FTO: variants seen among roughly 807,000 people sequenced by gnomAD.
The protein encoded by FTO is FTO alpha-ketoglutarate dependent dioxygenase.
A neutral mutation model predicts 63.9 loss-of-function variants in FTO; 47 were observed. That is an observed-to-expected ratio of 0.74 (90% confidence interval 0.58 to 0.94). The LOEUF (loss-of-function observed/expected upper bound fraction) is 0.94, where lower values mean the gene tolerates loss of function less well. Ranked by LOEUF, FTO falls within the 40% of genes least tolerant of loss-of-function variation. The pLI is 0.00. For synonymous variants in FTO, 207 were observed against 224.4 expected, an observed-to-expected ratio of 0.92 and a Z score of 0.69; for missense variants, 562 against 618.1, an observed-to-expected ratio of 0.91 and a Z score of 0.96.
At chr16:53,707,652 A>G (rs1459594118) in intron 1 of FTO, among the ~76,000 whole-genome samples, 1 of 152,138 alleles carries the variant, frequency 6.6e-6, no homozygotes, top group Non-Finnish European at 1.5e-5. Flanking sequence ...GTGCAGTGAT[A>G]TTTGATTTTA....
At position 54,116,677 on chromosome 16, in the gene FTO, T is replaced by G. The variant is rs2086977019; in HGVS notation, c.*4762T>G. 6.6e-6 allele frequency: 1 copy of G among 152,000 alleles called. No homozygotes were observed. Among genetic ancestry groups the G allele is most frequent in the Admixed American group, 6.6e-5 (1 of 15,252 alleles). The allele number at this position is 152,000 out of a possible 1,614,324, so 9.4% of individuals were successfully genotyped here. ...TCCTGCAAGACAGCAAGGGCACCCC[T>G]GGGCCACTGCTGTGTTTGGGAGGCA... On this transcript the variant is annotated 3_prime_UTR_variant, in exon 9 of 9. Transcript: ENST00000471389.
intron 8 of FTO, among the ~76,000 whole-genome samples, chr16:54,030,429 C>G (rs1391613944): frequency 1.3e-5 from 2 of 152,168 alleles, no homozygotes; most frequent in African/African-American, 4.8e-5. Context: ...TATCTGGCAG[C>G]CCTTATAGCT....
At chr16:53,969,250 G>T (rs2083264793) in intron 8 of FTO, among the ~76,000 whole-genome samples, 1 of 150,204 alleles carries the variant, frequency 6.7e-6, no homozygotes, top group African/African-American at 2.5e-5. Flanking sequence ...TTGTCCCAGA[G>T]ATAGATATTG....
chr16:53,778,042 A>C (rs1308112755), intron 1 of FTO, among the ~76,000 whole-genome samples: 1 of 152,196 alleles, frequency 6.6e-6, no homozygotes, highest in Non-Finnish European at 1.5e-5. Flanking sequence ...TATAGTAAAA[A>C]GATAGCTACT....
At chr16:53,742,842 C>T (rs1455035948) in intron 1 of FTO, among the ~76,000 whole-genome samples, 1 of 152,122 alleles carries the variant, frequency 6.6e-6, no homozygotes, top group African/African-American at 2.4e-5. Flanking sequence ...ACTAGTGTGC[C>T]TTGAGTGGGT....
intron 8 of FTO, among the ~76,000 whole-genome samples, chr16:54,018,438 A>G (rs2084511779): frequency 6.6e-6 from 1 of 152,148 alleles, no homozygotes; most frequent in East Asian, 1.9e-4. Context: ...ACATACATAC[A>G]TACATACATA....
intron 1 of FTO, among the ~76,000 whole-genome samples, chr16:53,786,322 G>T (rs1032443758): frequency 6.6e-6 from 1 of 152,204 alleles, no homozygotes; most frequent in African/African-American, 2.4e-5. Flanking sequence ...AGTGAGCTGT[G>T]TGTGCTGCCC....
intron 7 of FTO, among the ~76,000 whole-genome samples, chr16:53,910,126 A>G (rs543926902): frequency 2.5e-4 from 38 of 152,286 alleles, no homozygotes; most frequent in African/African-American, 9.1e-4. Flanking sequence ...TTTAGACAGT[A>G]CAAACAATAG....
chr16:53,868,355 A>T (rs2080392452), intron 4 of FTO, among the ~76,000 whole-genome samples: 1 of 151,836 alleles, frequency 6.6e-6, no homozygotes, highest in African/African-American at 2.4e-5. Flanking sequence ...TTACATATGT[A>T]TTTTTTTACT....
chr16:53,773,035 A>G (rs1313005085), intron 1 of FTO, among the ~76,000 whole-genome samples: 1 of 151,978 alleles, frequency 6.6e-6, no homozygotes, highest in East Asian at 1.9e-4. Context: ...GATTATTGGT[A>G]AAGTAAAATG....
At chr16:53,773,221 G>C (rs145276473) in intron 1 of FTO, among the ~76,000 whole-genome samples, 3 of 152,074 alleles carry the variant, frequency 2.0e-5, no homozygotes, top group Admixed American at 1.3e-4. Context: ...ATTTAGTTTG[G>C]GGAGCCCTCC....
chr16:53,918,809 A>G (rs2081943156), intron 7 of FTO, among the ~76,000 whole-genome samples: 1 of 152,198 alleles, frequency 6.6e-6, no homozygotes, highest in Non-Finnish European at 1.5e-5. Flanking sequence ...TACCTTCAGT[A>G]TGTTCCATTC....
intron 8 of FTO, among the ~76,000 whole-genome samples, chr16:54,023,693 G>A (rs895534227): frequency 6.6e-6 from 1 of 152,202 alleles, no homozygotes; most frequent in Non-Finnish European, 1.5e-5. Flanking sequence ...GGGGCACTGG[G>A]AACTTCGTGC....
chr16:53,721,622 T>A lies in FTO; in HGVS notation c.45+17393T>A, dbSNP rs548681966. Among the ~76,000 whole-genome samples the A allele has an allele frequency of 3.9e-4, 60 of 152,320 alleles. No homozygotes were observed. In the Middle Eastern group the frequency reaches 0.014, roughly 35 times the overall value. Reference sequence around the variant, plus strand: ...TCTTTTACTTACCTGAGAGTTCCCATGTTCTTTGGGGAAATAAATGTCATC... The same window carrying A: ...TCTTTTACTTACCTGAGAGTTCCCAAGTTCTTTGGGGAAATAAATGTCATC... On this transcript the variant is annotated intron_variant, in intron 1 of 8. Transcript: ENST00000471389.
At chr16:53,835,275 G>A (rs763374317) in intron 3 of FTO, among the ~76,000 whole-genome samples, 4 of 152,068 alleles carry the variant, frequency 2.6e-5, no homozygotes, top group Non-Finnish European at 5.9e-5. Context: ...GTAATCCAGC[G>A]GATTCCTTTA....
chr16:53,810,001 T>C (rs1933565320), intron 1 of FTO, 139 bp from the exon 2 acceptor site: 1 of 598,310 alleles, frequency 1.7e-6, no homozygotes, highest in Admixed American at 3.0e-5. Context: ...AATTGAGATT[T>C]GACTAATTTC....
chr16:53,725,983 C>T (rs962385501), intron 1 of FTO, among the ~76,000 whole-genome samples: 1 of 152,132 alleles, frequency 6.6e-6, no homozygotes, highest in African/African-American at 2.4e-5. Flanking sequence ...TGAGATAAGA[C>T]ATTTCTTTTT....
intron 8 of FTO, among the ~76,000 whole-genome samples, chr16:53,956,013 AT>A (rs1567471560): frequency 1.3e-5 from 2 of 152,154 alleles, no homozygotes; most frequent in Admixed American, 6.5e-5. Flanking sequence ...TGAAAAAAAA[AT>A]CTATTTTGCA....
At chr16:53,763,020 T>A (rs929253651) in intron 1 of FTO, among the ~76,000 whole-genome samples, 3 of 152,248 alleles carry the variant, frequency 2.0e-5, no homozygotes, top group Admixed American at 2.0e-4. Context: ...GCAATTTATT[T>A]ATTTTTTCAT....
Sources: allele counts gnomAD v4.1 joint callset (sites outside exome capture counted in the v4.1 genomes callset), GRCh38; gene constraint gnomAD v4.1.1; transcripts MANE v1.5; gene names NCBI Gene and HGNC (gene_info 2026-07-23, HGNC 2026-07-21).